WDR27: variants seen among roughly 807,000 people sequenced by gnomAD.
WDR27 encodes WD repeat domain 27, also known as WD repeat-containing protein 27.
In WDR27, 100 loss-of-function variants were observed where a neutral mutation model predicts 114.4. The observed-to-expected ratio is 0.87, with a 90% CI of 0.74 to 1.03. The LOEUF is 1.03. Ranked by LOEUF, WDR27 falls within the 50% of genes least tolerant of loss-of-function variation. The pLI is 0.00. For synonymous variants in WDR27, 449 were observed against 423.1 expected (o/e 1.06, Z -0.75); for missense variants, 1,129 against 1,092.9 (o/e 1.03, Z -0.47).
chr6:169,591,452 G>A (rs1255317293), intron 23 of WDR27, among the ~76,000 whole-genome samples: 2 of 152,126 alleles, frequency 1.3e-5, no homozygotes, highest in Non-Finnish European at 2.9e-5. Flanking sequence ...TTACCAAGTA[G>A]GGTATTTGGT....
rs1442353917 is a variant in WDR27, at chr6:169,587,220, T to TC, written c.2425-4287_2425-4286insG. ...CTTTCTCCTCAAGGATTTTCTTTTT[T>TC]TTTTTTTTTTTTTTTAAAGACAGCA... On this transcript the variant is annotated intron_variant, in intron 23 of 25. Transcript: ENST00000448612. 1.2e-4 allele frequency among the ~76,000 whole-genome samples: 16 copies of TC among 132,828 alleles called. No individual in the cohort carries two copies. The East Asian group carries it at 1.4e-3, about 11-fold the overall frequency. 87.1% of individuals were successfully genotyped at this position (132,828 alleles called of 152,430 possible).
intron 17 of WDR27, among the ~76,000 whole-genome samples, chr6:169,641,614 C>A (rs1232073995): frequency 6.6e-6 from 1 of 152,168 alleles, no homozygotes; most frequent in African/African-American, 2.4e-5. Context: ...GCATGGAGGC[C>A]GGCGTGGGCA....
At chr6:169,426,628 A>G in the WDR27 span, 2 of 152,202 alleles carry the variant, frequency 1.3e-5, no homozygotes, top group African/African-American at 2.4e-5. Flanking sequence ...ACACAGCCAC[A>G]GTCCACCAGC....
chr6:169,556,006 A>C (rs1170919641), intron 25 of WDR27, among the ~76,000 whole-genome samples: 3 of 152,208 alleles, frequency 2.0e-5, no homozygotes, highest in African/African-American at 7.2e-5. Flanking sequence ...CCATGCCCTC[A>C]TGTGACCCCT....
At chr6:169,601,601 A>G (rs2494679) in intron 23 of WDR27, among the ~76,000 whole-genome samples, 143,077 of 152,314 alleles carry the variant, frequency 0.94, 67,273 homozygotes, top group East Asian at 0.99. Context: ...CAACATGACC[A>G]TGAGGTGAAC....
chr6:169,648,484 A>T (rs887868244), intron 15 of WDR27, among the ~76,000 whole-genome samples: 1 of 152,238 alleles, frequency 6.6e-6, no homozygotes, highest in Non-Finnish European at 1.5e-5. Context: ...TCACCTGCAT[A>T]AGGCCTGAAT....
intron 25 of WDR27, among the ~76,000 whole-genome samples, chr6:169,534,955 T>C (rs1216562519): frequency 2.2e-5 from 3 of 134,874 alleles, no homozygotes; most frequent in Non-Finnish European, 5.0e-5. Flanking sequence ...CTGTGAATTA[T>C]TTAAGGTATA....
In WDR27 at chr6:169,547,026, A is replaced by G. The variant is rs74433830; in HGVS notation, c.2645+25393T>C. Among the ~76,000 whole-genome samples the G allele has an allele frequency of 2.6e-3, 397 of 152,352 alleles. 1 individual carries two copies. The highest frequency in any genetic ancestry group is 4.7e-3 in the Non-Finnish European group (321 of 68,036). On this transcript the variant is annotated intron_variant, in intron 25 of 25. Coordinates refer to ENST00000448612, the MANE Select transcript of WDR27 (RefSeq NM_182552.5). ...AAGTACAGATCTTATAATATAAAAAAGATAAAAAAAGAATTCTATAAACAA... is the reference window on the plus strand; with the variant it reads ...AAGTACAGATCTTATAATATAAAAAGGATAAAAAAAGAATTCTATAAACAA...
intron 1 of WDR27, among the ~76,000 whole-genome samples, chr6:169,698,894 G>A (rs1357325761): frequency 6.6e-6 from 1 of 152,224 alleles, no homozygotes; most frequent in Non-Finnish European, 1.5e-5. Flanking sequence ...AGTGCATGAA[G>A]CTGAGGTCAC....
In WDR27 at chr6:169,462,478, G is replaced by GA. The variant is rs199704285; in HGVS notation, c.2646-4845_2646-4844insT. Among the ~76,000 whole-genome samples the GA allele has an allele frequency of 1.6e-3, 240 of 150,304 alleles. 3 individuals are homozygous for GA. Among genetic ancestry groups the GA allele is most frequent in the African/African-American group, 5.5e-3 (221 of 39,902 alleles). On this transcript the variant is annotated intron_variant, in intron 25 of 25. Transcript: ENST00000448612. ...ACAGAGAGAGGGAGGGAGGAGAGGGGGGAGAGAGAGAGAGAAAGAAAGAAA... is the reference window on the plus strand; with the variant it reads ...ACAGAGAGAGGGAGGGAGGAGAGGGGAGGAGAGAGAGAGAGAAAGAAAGAAA...
Position 169,659,572 on chromosome 6 carries a change from C to G in WDR27, c.1130-54G>C. The G allele has an allele frequency of 6.6e-7, 1 of 1,525,430 alleles. No homozygotes were observed. The highest frequency in any genetic ancestry group is 8.9e-7 in the Non-Finnish European group (1 of 1,120,776). The allele number at this position is 1,525,430 out of a possible 1,614,324, so 94.5% of individuals were successfully genotyped here. A position where few individuals can be genotyped will look rare whatever the true frequency, so the allele number is the denominator to read the frequency against. On this transcript the variant is annotated intron_variant, in intron 10 of 25. Transcript: ENST00000448612. The surrounding 1 kb of genome is among the most constrained non-coding windows in gnomAD (Gnocchi z 4.3). ...ATGATGGGGAGGGAGGTAGCACATA[C>G]ACACGGAGTCACTGCCCAGAGCCCA...
In WDR27 at chr6:169,632,966, T is replaced by TGGACAGGCCGTGAGTGGG; in HGVS notation, c.2186_2203dup (p.Val734_His735insProHisSerArgProVal). 6.3e-7 allele frequency: 1 copy of TGGACAGGCCGTGAGTGGG among 1,586,912 alleles called. No individual in the cohort carries two copies. Among genetic ancestry groups the TGGACAGGCCGTGAGTGGG allele is most frequent in the South Asian group, 1.1e-5 (1 of 88,864 alleles). Reference sequence around the variant, plus strand: ...ACTCACTTTATTTTGGCAGATTTGATGGACAGGCCGTGAGTGGGCTTCCGC... The same window carrying TGGACAGGCCGTGAGTGGG: ...ACTCACTTTATTTTGGCAGATTTGATGGACAGGCCGTGAGTGGGGGACAGGCCGTGAGTGGGCTTCCGC... On this transcript the variant is annotated inframe_insertion, in exon 21 of 26. Coordinates refer to ENST00000448612, the MANE Select transcript of WDR27 (RefSeq NM_182552.5).
At chr6:169,526,044 A>G (rs1794934465) in intron 25 of WDR27, among the ~76,000 whole-genome samples, 1 of 152,224 alleles carries the variant, frequency 6.6e-6, no homozygotes, top group African/African-American at 2.4e-5. Context: ...GATCTCATGA[A>G]GATAGATAGA....
chr6:169,548,304 T>C (rs977404910), intron 25 of WDR27, among the ~76,000 whole-genome samples: 63 of 152,200 alleles, frequency 4.1e-4, no homozygotes, highest in Non-Finnish European at 7.4e-4. Flanking sequence ...GTGCAGCTAA[T>C]TATTTTGTGT....
chr6:169,683,067 G>A (rs1360105951), intron 2 of WDR27, among the ~76,000 whole-genome samples: 1 of 152,172 alleles, frequency 6.6e-6, no homozygotes, highest in East Asian at 1.9e-4. Flanking sequence ...TGGGAGCTAT[G>A]AGACAACAAA....
In WDR27 at chr6:169,522,892, T is replaced by C. The variant is rs80236684; in HGVS notation, c.2645+49527A>G. Among the ~76,000 whole-genome samples, 991 of 151,810 alleles carry C rather than the reference T, an allele frequency of 6.5e-3. 8 individuals are homozygous for C. The highest frequency in any genetic ancestry group is 0.023 in the African/African-American group (953 of 41,456). On this transcript the variant is annotated intron_variant, in intron 25 of 25. Transcript: ENST00000448612. Reference sequence around the variant, plus strand: ...AGGCTTCAAATAAACCACCTAACAATGTTCCTCAAAGAAAGAGGAAAGAAA... The same window carrying C: ...AGGCTTCAAATAAACCACCTAACAACGTTCCTCAAAGAAAGAGGAAAGAAA...
At chr6:169,440,417 G>T in the WDR27 span, among the ~76,000 whole-genome samples, 1 of 152,106 alleles carries the variant, frequency 6.6e-6, no homozygotes, top group South Asian at 2.1e-4. Context: ...AATTTCAGGG[G>T]ACAAGCCTCA....
At chr6:169,689,535 A>G (rs1036051123) in intron 1 of WDR27, among the ~76,000 whole-genome samples, 1 of 152,256 alleles carries the variant, frequency 6.6e-6, no homozygotes, top group African/African-American at 2.4e-5. Context: ...ACAACACTGT[A>G]TGTAATTACA....
intron 25 of WDR27, among the ~76,000 whole-genome samples, chr6:169,489,412 C>T (rs1035226499): frequency 1.3e-5 from 2 of 152,220 alleles, no homozygotes; most frequent in African/African-American, 4.8e-5. Context: ...ATGACCGTCT[C>T]CTACTTCTGC....
Sources: allele counts gnomAD v4.1 joint callset (sites outside exome capture counted in the v4.1 genomes callset), GRCh38; gene constraint gnomAD v4.1.1; non-coding constraint Gnocchi (gnomAD v3.1); transcripts MANE v1.5; gene names NCBI Gene and HGNC (gene_info 2026-07-23, HGNC 2026-07-21).